FRMD5: variants seen among roughly 807,000 people sequenced by gnomAD.
The protein encoded by FRMD5 is FERM domain containing 5.
Under a neutral mutation model 69.0 loss-of-function variants are expected in FRMD5, and 20 were observed. The observed-to-expected ratio is 0.29, with a 90% CI of 0.20 to 0.42. FRMD5 has a LOEUF of 0.42. FRMD5 is among the 10% of genes least tolerant of loss of function. The pLI is 1.00. For missense variants in FRMD5, 595 were observed against 708.6 expected (o/e 0.84, Z 1.82); for synonymous variants, 271 against 260.1 (o/e 1.04, Z -0.40).
chr15:43,894,630 G>A (rs1051396046), intron 7 of FRMD5, among the ~76,000 whole-genome samples: 3 of 151,896 alleles, frequency 2.0e-5, no homozygotes, highest in South Asian at 2.1e-4. Context: ...CTACTGGACA[G>A]CTTGAAATAA....
chr15:43,953,751 C>T lies in FRMD5; in HGVS notation c.103-29442G>A, dbSNP rs369424797. Among the ~76,000 whole-genome samples the T allele has an allele frequency of 3.5e-4, 53 of 152,340 alleles. 1 individual carries two copies. The South Asian group carries it at 7.9e-3, about 23-fold the overall frequency. On this transcript the variant is annotated intron_variant, in intron 1 of 13. Transcript: ENST00000417257. The stretch of plus-strand genomic sequence containing the variant: ...ACAAGGTACTTGTCATCTGTTACCT[C>T]CATGGGTGGTATTATTTGCACTTAA...
chr15:43,876,109 C>G, intron 13 of FRMD5: 1 of 1,447,986 alleles, frequency 6.9e-7, no homozygotes, highest in Non-Finnish European at 9.7e-7. Flanking sequence ...CCATGTTTTT[C>G]CCATAGAATG....
intron 1 of FRMD5, among the ~76,000 whole-genome samples, chr15:43,927,503 T>C (rs1410196179): frequency 6.6e-6 from 1 of 152,210 alleles, no homozygotes; most frequent in East Asian, 1.9e-4. Context: ...GCCTATTAAC[T>C]ACTTCTTCAC....
intron 1 of FRMD5, among the ~76,000 whole-genome samples, chr15:43,963,143 T>A (rs1183681051): frequency 6.6e-6 from 1 of 152,194 alleles, no homozygotes; most frequent in Non-Finnish European, 1.5e-5. Context: ...GAGAAAAGTT[T>A]TGCAACCTAC....
chr15:43,896,426 G>T (rs1277844265), intron 7 of FRMD5, among the ~76,000 whole-genome samples: 1 of 152,208 alleles, frequency 6.6e-6, no homozygotes, highest in Admixed American at 6.5e-5. Flanking sequence ...ATATCTTACT[G>T]CTAGGATGTG....
chr15:44,197,678 C>CAAAAAAAA (rs5812271), upstream of FRMD5, among the ~76,000 whole-genome samples: 42 of 84,530 alleles, frequency 5.0e-4, no homozygotes, highest in Non-Finnish European at 7.6e-4. Flanking sequence ...GACTCCATCT[C>CAAAAAAAA]AAAAAAAAAA....
chr15:44,190,869 G>T (rs1158674521), intron 1 of FRMD5, among the ~76,000 whole-genome samples: 1 of 152,102 alleles, frequency 6.6e-6, no homozygotes, highest in Admixed American at 6.6e-5. Context: ...ATAATTCTTA[G>T]GGTTTATGAT....
intron 1 of FRMD5, among the ~76,000 whole-genome samples, chr15:44,014,160 T>C (rs1027272208): frequency 6.6e-6 from 1 of 152,092 alleles, no homozygotes; most frequent in Admixed American, 6.6e-5. Context: ...AACATTAGCC[T>C]AACTGGAACA....
intron 1 of FRMD5, among the ~76,000 whole-genome samples, chr15:44,067,718 G>T (rs890726753): frequency 2.0e-5 from 3 of 152,036 alleles, no homozygotes; most frequent in African/African-American, 7.3e-5. Flanking sequence ...CAGCATTGGG[G>T]ATTATTTCCA....
chr15:44,140,761 T>A (rs918079679), intron 1 of FRMD5, among the ~76,000 whole-genome samples: 6 of 151,002 alleles, frequency 4.0e-5, no homozygotes, highest in Admixed American at 6.6e-5. Context: ...CACGTGCCTG[T>A]GGTCCCAGCT....
At chr15:43,876,208 C>T in intron 13 of FRMD5, 1 of 1,596,006 alleles carries the variant, frequency 6.3e-7, no homozygotes, top group Non-Finnish European at 8.6e-7. Context: ...CCCCCTTTCC[C>T]CGCTTTTCCA....
At chr15:43,883,642 TC>T in intron 13 of FRMD5, 60 bp downstream of exon 13, 1 of 1,231,854 alleles carries the variant, frequency 8.1e-7, no homozygotes, top group South Asian at 1.4e-5. Flanking sequence ...TAGCCTCTTT[TC>T]AAGGTCCCAG....
At chr15:44,145,206 G>T (rs1021807513) in intron 1 of FRMD5, among the ~76,000 whole-genome samples, 1 of 152,104 alleles carries the variant, frequency 6.6e-6, no homozygotes, top group Non-Finnish European at 1.5e-5. Flanking sequence ...GGCCATCAGG[G>T]AGCTGGCAGA....
chr15:43,975,200 G>C (rs1479415295), intron 1 of FRMD5, among the ~76,000 whole-genome samples: 1 of 152,216 alleles, frequency 6.6e-6, no homozygotes, highest in Non-Finnish European at 1.5e-5. Flanking sequence ...ATCTAAGCTA[G>C]AATATGCCAG....
chr15:44,007,826 T>G (rs1462600951), intron 1 of FRMD5, among the ~76,000 whole-genome samples: 1 of 151,928 alleles, frequency 6.6e-6, no homozygotes. Flanking sequence ...GTATTTTCAG[T>G]AGAGACGGGG....
chr15:44,004,057 A>T (rs1566892706), intron 1 of FRMD5, among the ~76,000 whole-genome samples: 1 of 152,374 alleles, frequency 6.6e-6, no homozygotes, highest in Non-Finnish European at 1.5e-5. Flanking sequence ...GCATGGTTTG[A>T]CTAAAAATTT....
intron 1 of FRMD5, among the ~76,000 whole-genome samples, chr15:44,074,426 T>C (rs1330810366): frequency 1.3e-5 from 2 of 152,006 alleles, no homozygotes; most frequent in Non-Finnish European, 2.9e-5. Flanking sequence ...TTTCAAAATA[T>C]GGAGGCCATG....
intron 1 of FRMD5, among the ~76,000 whole-genome samples, chr15:43,964,830 T>G (rs1436457694): frequency 6.6e-6 from 1 of 152,218 alleles, no homozygotes; most frequent in Non-Finnish European, 1.5e-5. Flanking sequence ...AGAGGCAACC[T>G]TGGATTACTA....
intron 1 of FRMD5, chr15:43,989,245 T>C: frequency 1.3e-6 from 1 of 796,158 alleles, no homozygotes; most frequent in Non-Finnish European, 2.3e-6. Context: ...GGTGATCTTC[T>C]GCATCCTATC....
Sources: gnomAD v4.1 joint callset for allele counts (sites outside exome capture counted in the v4.1 genomes callset) on GRCh38, gnomAD v4.1.1 for gene constraint, MANE v1.5 for transcripts, NCBI Gene and HGNC (gene_info 2026-07-23, HGNC 2026-07-21) for gene names.